RANBP2: variants seen among roughly 807,000 people sequenced by gnomAD.
RANBP2 encodes RAN binding protein 2.
In RANBP2, 57 loss-of-function variants were observed where a neutral mutation model predicts 303.6. The observed-to-expected ratio is 0.19, with a 90% CI of 0.15 to 0.23. The LOEUF is 0.23. Ranked by LOEUF, RANBP2 falls within the 10% of genes least tolerant of loss-of-function variation. RANBP2 has a pLI of 1.00. For missense variants in RANBP2, 3,138 were observed against 3,780.8 expected, an observed-to-expected ratio of 0.83 and a Z score of 4.46; for synonymous variants, 1,167 against 1,301.5, an observed-to-expected ratio of 0.90 and a Z score of 2.23.
chr2:109,568,417 G>C, the RANBP2 span, among the ~76,000 whole-genome samples: 1 of 148,766 alleles, frequency 6.7e-6, no homozygotes, highest in Admixed American at 6.7e-5. Flanking sequence ...TGTAACCCAG[G>C]CTGGAGTGCA....
chr2:109,137,246 T>G, the RANBP2 span, among the ~76,000 whole-genome samples: 1 of 152,210 alleles, frequency 6.6e-6, no homozygotes, highest in African/African-American at 2.4e-5. Flanking sequence ...TTTTTGTTTA[T>G]TCTTCCATAG....
chr2:109,058,930 T>A, the RANBP2 span, among the ~76,000 whole-genome samples: 1 of 151,806 alleles, frequency 6.6e-6, no homozygotes, highest in Non-Finnish European at 1.5e-5. Flanking sequence ...ACATGGACAG[T>A]GAGGAGGCAG....
the RANBP2 span, among the ~76,000 whole-genome samples, chr2:109,026,526 C>T: frequency 6.6e-6 from 1 of 152,038 alleles, no homozygotes; most frequent in Admixed American, 6.5e-5. Context: ...AGCAAGGGGA[C>T]CAAAGGCTGG....
chr2:109,742,536 T>C, the RANBP2 span, among the ~76,000 whole-genome samples: 206 of 148,528 alleles, frequency 1.4e-3, 12 homozygotes, highest in African/African-American at 3.9e-3. Flanking sequence ...TTTGAATAAA[T>C]AGAGAAGTAT....
chr2:109,654,523 C>T, the RANBP2 span, among the ~76,000 whole-genome samples: 12 of 151,972 alleles, frequency 7.9e-5, no homozygotes, highest in Non-Finnish European at 1.2e-4. Flanking sequence ...TACTGCCATA[C>T]GCCTCATTAC....
the RANBP2 span, among the ~76,000 whole-genome samples, chr2:109,107,675 A>G: frequency 6.6e-6 from 1 of 152,216 alleles, no homozygotes. Flanking sequence ...AGCAACAGAA[A>G]AGAAAGTTCA....
chr2:109,737,512 C>G, the RANBP2 span: 1 of 580,270 alleles, frequency 1.7e-6, no homozygotes, highest in Non-Finnish European at 3.0e-6. Context: ...AGCTTTCTCG[C>G]GGGCACCATG....
the RANBP2 span, among the ~76,000 whole-genome samples, chr2:109,641,129 A>ATTTG: frequency 7.8e-5 from 11 of 140,140 alleles, no homozygotes; most frequent in East Asian, 4.0e-4. Flanking sequence ...GAATGGTTTT[A>ATTTG]TTTATTTGTT....
chr2:108,856,370 T>C, the RANBP2 span, among the ~76,000 whole-genome samples: 1 of 152,224 alleles, frequency 6.6e-6, no homozygotes, highest in Non-Finnish European at 1.5e-5. Context: ...TTGTATAAAT[T>C]ACATTTTGAA....
the RANBP2 span, among the ~76,000 whole-genome samples, chr2:109,268,559 A>C: frequency 6.6e-6 from 1 of 152,134 alleles, no homozygotes; most frequent in Non-Finnish European, 1.5e-5. Context: ...TCCCTCCCCA[A>C]CAGGGCTTGA....
At chr2:109,083,104 G>A in the RANBP2 span, among the ~76,000 whole-genome samples, 1 of 152,032 alleles carries the variant, frequency 6.6e-6, no homozygotes, top group Non-Finnish European at 1.5e-5. Context: ...AGAATTACAG[G>A]CATGAGCCAC....
the RANBP2 span, among the ~76,000 whole-genome samples, chr2:109,164,261 C>T: frequency 5.8e-4 from 89 of 152,250 alleles, 1 homozygote; most frequent in East Asian, 0.015. Context: ...TAACTCACTG[C>T]GGCCTCGGCC....
chr2:109,552,110 C>A, the RANBP2 span, among the ~76,000 whole-genome samples: 5 of 152,192 alleles, frequency 3.3e-5, no homozygotes, highest in African/African-American at 4.8e-5. Context: ...GCAAACTGTG[C>A]ATGTGAGGGA....
the RANBP2 span, among the ~76,000 whole-genome samples, chr2:109,525,311 C>G: frequency 1.3e-5 from 2 of 152,046 alleles, no homozygotes; most frequent in Admixed American, 6.6e-5. Flanking sequence ...TGTGCCACCA[C>G]GCCCAGCTAA....
At chr2:109,562,021 G>A in the RANBP2 span, among the ~76,000 whole-genome samples, 7 of 151,770 alleles carry the variant, frequency 4.6e-5, no homozygotes, top group African/African-American at 1.7e-4. Context: ...GACCAGCCTG[G>A]CCAACATGGT....
the RANBP2 span, among the ~76,000 whole-genome samples, chr2:109,450,022 T>C: frequency 6.6e-6 from 1 of 152,154 alleles, no homozygotes; most frequent in Non-Finnish European, 1.5e-5. Flanking sequence ...TTTTTAGCTA[T>C]TCTTTTAGCC....
At chr2:109,612,800 GA>G in the RANBP2 span, among the ~76,000 whole-genome samples, 1 of 152,136 alleles carries the variant, frequency 6.6e-6, no homozygotes, top group South Asian at 2.1e-4. Context: ...GCGATAGAAT[GA>G]AAAGAGACCT....
the RANBP2 span, among the ~76,000 whole-genome samples, chr2:108,833,593 G>T: frequency 6.6e-6 from 1 of 152,042 alleles, no homozygotes; most frequent in Non-Finnish European, 1.5e-5. Context: ...TTTGTAAAAG[G>T]ACAAATGGTA....
At chr2:109,572,394 A>G in the RANBP2 span, among the ~76,000 whole-genome samples, 12 of 152,152 alleles carry the variant, frequency 7.9e-5, no homozygotes, top group Admixed American at 2.0e-4. Context: ...CGGCCTCCCA[A>G]ACCGCTGGGG....
Sources: gnomAD v4.1 joint callset for allele counts (sites outside exome capture counted in the v4.1 genomes callset) on GRCh38, gnomAD v4.1.1 for gene constraint, MANE v1.5 for transcripts, NCBI Gene and HGNC (gene_info 2026-07-23, HGNC 2026-07-21) for gene names.